GFY: variants seen among roughly 807,000 people sequenced by gnomAD.
GFY encodes golgi associated olfactory signaling regulator.
In GFY, 28 loss-of-function variants were observed where a neutral mutation model predicts 29.1. The ratio of observed to expected loss-of-function variants is 0.96; its 90% CI spans 0.71 to 1.32. GFY has a LOEUF of 1.32. Ranked by LOEUF, GFY falls within the 40% of genes most tolerant of loss-of-function variation. GFY has a pLI of 0.00. For synonymous variants in GFY, 277 were observed against 274.5 expected (o/e 1.01, Z -0.09); for missense variants, 656 against 661.9 (o/e 0.99, Z 0.10).
upstream of GFY, among the ~76,000 whole-genome samples, chr19:49,424,244 G>T (rs185947020): frequency 4.6e-5 from 7 of 152,176 alleles, no homozygotes; most frequent in Admixed American, 2.6e-4. Context: ...TTTTGTGTGT[G>T]TGTGTTTGTC....
Position 49,428,007 on chromosome 19 carries a change from G to A in GFY, c.1245G>A (p.Ala415=), listed in dbSNP as rs1180332329. 3 of 1,535,962 alleles carry A rather than the reference G, an allele frequency of 2.0e-6. No homozygotes were observed. The South Asian group carries it at 3.6e-5, about 18-fold the overall frequency. Residue 415 remains alanine (A), a synonymous_variant, in exon 3 of 4, where the codon GCG becomes GCA. Coordinates refer to ENST00000610896, the MANE Select transcript of GFY (RefSeq NM_001195256.2). ...AAGGALCLFF[A]GTALLIGIFV... is the part of the protein sequence containing the mutation. ...GCGGGGCCCTCTGCCTGTTCTTCGC[G>A]GGGACCGCGCTGCTGATCGGCATCT...
Position 49,427,439 on chromosome 19 carries a change from A to C in GFY, c.1009A>C (p.Asn337His), listed in dbSNP as rs1046672239. ...AATGGTTGAGCTGAAGGCCCCCCAG[A>C]ACTCTGGCCCTAAGGAGTCCAACGT... ...PGMVELKAPQ[N>H]SGPKESNVPP... The change falls in exon 2 of 4, where the codon AAC (asparagine) becomes CAC (histidine). Residue 337 changes from asparagine to histidine, a missense_variant. Coordinates refer to ENST00000610896, the MANE Select transcript of GFY (RefSeq NM_001195256.2). 4.0e-5 allele frequency: 62 copies of C among 1,535,642 alleles called. No homozygotes were observed. Among genetic ancestry groups the C allele is most frequent in the Non-Finnish European group, 5.4e-5 (62 of 1,146,666 alleles).
rs1975081418 is a variant in GFY at position 49,426,974 on chromosome 19, CCA to C, written c.545_546del (p.Pro182ArgfsTer6). The C allele has an allele frequency of 1.3e-6, 2 of 1,535,734 alleles. No homozygotes were observed. Among genetic ancestry groups the C allele is most frequent in the Non-Finnish European group, 1.7e-6 (2 of 1,146,874 alleles). ...TATGCAAACTACACCCCAAGAATCC[CCA>C]GAGATTCTGCAGCTTAATGCCACTG... is the stretch of plus-strand genomic sequence containing the variant. ...DLMQTTPQES[P>X]EILQLNATEV... On this transcript the variant is annotated frameshift_variant, in exon 2 of 4. Transcript: ENST00000610896. LOFTEE classifies it high-confidence loss of function.
intron 1 of GFY, among the ~76,000 whole-genome samples, chr19:49,425,772 A>G (rs1405672271): frequency 6.6e-6 from 1 of 151,988 alleles, no homozygotes; most frequent in Non-Finnish European, 1.5e-5. Flanking sequence ...AAGGCCTCTT[A>G]TCTCCTTTCA....
In GFY at chr19:49,426,397, C is replaced by T. The variant is rs1333150236; in HGVS notation, c.-21-13C>T. 6.7e-7 allele frequency: 1 copy of T among 1,486,544 alleles called. No individual in the cohort carries two copies. The allele number at this position is 1,486,544 out of a possible 1,614,324, so 92.1% of individuals were successfully genotyped here. ...TTCGGCCTTAACCCCTTCCTTCCCG[C>T]TCTCCCCCGCAGCTATAGGTATCTG... On this transcript the variant is annotated splice_polypyrimidine_tract_variant and intron_variant, in intron 1 of 3. Coordinates refer to ENST00000610896, the MANE Select transcript of GFY (RefSeq NM_001195256.2).
Position 49,427,556 on chromosome 19 carries a change from C to A in GFY, c.1126C>A (p.His376Asn), listed in dbSNP as rs1192511809. 1.0e-5 allele frequency: 15 copies of A among 1,505,882 alleles called. No individual in the cohort carries two copies. The highest frequency in any genetic ancestry group is 1.3e-5 in the Non-Finnish European group (15 of 1,133,836). 93.3% of individuals were successfully genotyped at this position (1,505,882 alleles called of 1,614,324 possible). ...APATLRAPQR[H>N]SRGEGVNTII... ...TGCCACTCTGCGGGCACCCCAGAGGCACAGCCGAGGTGAGGGAGTCAACAC... is the reference window on the plus strand; with the variant it reads ...TGCCACTCTGCGGGCACCCCAGAGGAACAGCCGAGGTGAGGGAGTCAACAC... Residue 376 changes from histidine (H) to asparagine (N), a missense_variant, in exon 2 of 4, where the codon CAC becomes AAC. His to Asn is a moderately conservative substitution (Grantham distance 68, BLOSUM62 1). Coordinates refer to ENST00000610896, the MANE Select transcript of GFY (RefSeq NM_001195256.2).
chr19:49,426,295 C>G (rs1353757409), intron 1 of GFY, 115 bp from the exon 2 acceptor site: 1 of 1,419,486 alleles, frequency 7.0e-7, no homozygotes, highest in African/African-American at 1.4e-5. Flanking sequence ...TGGCGCCAAG[C>G]TGGGCCCCGG....
rs928609582 is a variant in GFY at position 49,428,965 on chromosome 19, C to G, written c.*147C>G. On this transcript the variant is annotated 3_prime_UTR_variant, in exon 4 of 4. Coordinates refer to ENST00000610896, the MANE Select transcript of GFY (RefSeq NM_001195256.2). The stretch of plus-strand genomic sequence containing the variant: ...GTGATCAGAGAACAAGGTCTGAGAC[C>G]GAATAAATATCATGTTCCCATGGCT... The G allele has an allele frequency of 1.8e-6, 1 of 557,920 alleles. No homozygotes were observed. Among genetic ancestry groups the G allele is most frequent in the Non-Finnish European group, 2.9e-6 (1 of 344,202 alleles). 34.6% of individuals were successfully genotyped at this position (557,920 alleles called of 1,614,324 possible).
At position 49,426,588 on chromosome 19, in the gene GFY, A is replaced by C. The variant is rs112779181; in HGVS notation, c.158A>C (p.Lys53Thr). The C allele has an allele frequency of 5.2e-4, 794 of 1,535,714 alleles. 4 individuals carry two copies. In the African/African-American group the frequency reaches 8.8e-3, roughly 17 times the overall value. Reference protein sequence around the residue: ...SPLKGASENSKRDRLNPEFPG... With the variant: ...SPLKGASENSTRDRLNPEFPG... ...CTGAAGGGTGCTTCTGAAAATTCCA[A>C]ACGAGATCGCCTTAACCCAGAATTT... The change falls in exon 2 of 4, where the codon AAA (lysine) becomes ACA (threonine). Residue 53 changes from lysine (K) to threonine (T), a missense_variant. Physicochemically the swap from Lys to Thr is moderately conservative, Grantham distance 78. Transcript: ENST00000610896.
chr19:49,425,961 T>C (rs1340371682), intron 1 of GFY, among the ~76,000 whole-genome samples: 1 of 151,942 alleles, frequency 6.6e-6, no homozygotes, highest in African/African-American at 2.4e-5. Context: ...CCCTCCTCCC[T>C]CAAATCCATG....
chr19:49,428,872 C>A lies in GFY; in HGVS notation c.*54C>A, dbSNP rs542511604. The A allele has an allele frequency of 1.1e-5, 13 of 1,230,520 alleles. No individual in the cohort carries two copies. Among genetic ancestry groups the A allele is most frequent in the South Asian group, 4.9e-5 (3 of 60,996 alleles). The allele number at this position is 1,230,520 out of a possible 1,614,324, so 76.2% of individuals were successfully genotyped here. A position where few individuals can be genotyped will look rare whatever the true frequency, so the allele number is the denominator to read the frequency against. On this transcript the variant is annotated 3_prime_UTR_variant, in exon 4 of 4. Coordinates refer to ENST00000610896, the MANE Select transcript of GFY (RefSeq NM_001195256.2). ...ATCCCCACAGTGAAGGAAAACCCTG[C>A]GCTTCTGGTATGCTTAGCTAGAGTA...
chr19:49,426,935 CCAAA>C lies in GFY; in HGVS notation c.508_511del (p.Asn170LeufsTer77), dbSNP rs1414115203. 2 of 1,535,938 alleles carry C rather than the reference CCAAA, an allele frequency of 1.3e-6. No individual in the cohort carries two copies. The highest frequency in any genetic ancestry group is 1.7e-6 in the Non-Finnish European group (2 of 1,146,892). Reference sequence around the variant, plus strand: ...TTCACGCCCAGAATTTCCTGAGACCCCAAACACTGACCTTATGCAAACTACACCC... The same window carrying C: ...TTCACGCCCAGAATTTCCTGAGACCCCACTGACCTTATGCAAACTACACCC... On this transcript the variant is annotated frameshift_variant, in exon 2 of 4. Coordinates refer to ENST00000610896, the MANE Select transcript of GFY (RefSeq NM_001195256.2). LOFTEE classifies it high-confidence loss of function.
Position 49,427,493 on chromosome 19 carries a change from C to T in GFY, c.1063C>T (p.Pro355Ser). 1.3e-6 allele frequency: 2 copies of T among 1,534,278 alleles called. No individual in the cohort carries two copies. The highest frequency in any genetic ancestry group is 1.7e-6 in the Non-Finnish European group (2 of 1,145,726). Residue 355 changes from proline (P) to serine (S), a missense_variant, in exon 2 of 4, where the codon CCC becomes TCC. Transcript: ENST00000610896. ...TCCTCCCTCAGCCCGGATTGCAGGTCCCCCTGCTCTTCCAGGGCGCCCCAG... is the reference window on the plus strand; with the variant it reads ...TCCTCCCTCAGCCCGGATTGCAGGTTCCCCTGCTCTTCCAGGGCGCCCCAG... Reference protein sequence around the residue: ...VPPPSARIAGPPALPGRPSQL... With the variant: ...VPPPSARIAGSPALPGRPSQL...
At chr19:49,424,781 G>A (rs932841975), upstream of GFY, among the ~76,000 whole-genome samples, 4 of 151,786 alleles carry the variant, frequency 2.6e-5, no homozygotes, top group Middle Eastern at 3.2e-3. Flanking sequence ...GTTGCAGTGA[G>A]CTGAGATCGC....
At chr19:49,426,326 T>C (rs1315705875) in intron 1 of GFY, 84 bp from the exon 2 acceptor site, 7 of 1,441,706 alleles carry the variant, frequency 4.9e-6, no homozygotes, top group African/African-American at 4.3e-5. Context: ...TCCACCTGTG[T>C]TCCAGTGGGC....
chr19:49,426,259 T>A (rs911837046), intron 1 of GFY, among the ~76,000 whole-genome samples, 151 bp from the exon 2 acceptor site: 10 of 152,356 alleles, frequency 6.6e-5, no homozygotes, highest in Admixed American at 6.5e-4. Flanking sequence ...TCCAAGGGAC[T>A]TGCGATTGGG....
At chr19:49,425,956 C>T (rs1393170951) in intron 1 of GFY, among the ~76,000 whole-genome samples, 1 of 152,190 alleles carries the variant, frequency 6.6e-6, no homozygotes, top group African/African-American at 2.4e-5. Context: ...TGTCTCCCTC[C>T]TCCCTCAAAT....
chr19:49,425,046 C>T (rs2122276760), upstream of GFY, among the ~76,000 whole-genome samples: 1 of 151,088 alleles, frequency 6.6e-6, no homozygotes, highest in South Asian at 2.1e-4. Context: ...AAGGAGGAGG[C>T]TGGGGACTTG....
In GFY at chr19:49,427,184, A is replaced by G; in HGVS notation, c.754A>G (p.Ser252Gly). The change falls in exon 2 of 4, where the codon AGC (serine) becomes GGC (glycine). Residue 252 changes from serine (S) to glycine (G), a missense_variant. Physicochemically the swap from Ser to Gly is moderately conservative, Grantham distance 56. Coordinates refer to ENST00000610896, the MANE Select transcript of GFY (RefSeq NM_001195256.2). Reference sequence around the variant, plus strand: ...AGAATCCCATGTGACCCACAATCCCAGCCCCACCGAAATTTCCCAAACAGA... The same window carrying G: ...AGAATCCCATGTGACCCACAATCCCGGCCCCACCGAAATTTCCCAAACAGA... ...HPESHVTHNP[S>G]PTEISQTEFP... 5 of 1,535,792 alleles carry G rather than the reference A, an allele frequency of 3.3e-6. No individual in the cohort carries two copies. Among genetic ancestry groups the G allele is most frequent in the Non-Finnish European group, 4.4e-6 (5 of 1,146,816 alleles).
Sources: gnomAD v4.1 joint callset for allele counts (sites outside exome capture counted in the v4.1 genomes callset) on GRCh38, gnomAD v4.1.1 for gene constraint, MANE v1.5 for transcripts, NCBI Gene and HGNC (gene_info 2026-07-23, HGNC 2026-07-21) for gene names.